ADARB2: variants seen among roughly 807,000 people sequenced by gnomAD.
The protein encoded by ADARB2 is inactive double-stranded RNA-specific editase B2.
Under a neutral mutation model 62.2 loss-of-function variants are expected in ADARB2, and 25 were observed. That is an observed-to-expected ratio of 0.40 (90% CI 0.29 to 0.56). The LOEUF (loss-of-function observed/expected upper bound fraction) is 0.56, where lower values mean the gene tolerates loss of function less well. ADARB2 is among the 20% of genes least tolerant of loss of function. ADARB2 has a pLI of 0.43. For synonymous variants in ADARB2, 572 were observed against 500.8 expected (o/e 1.14, Z -1.90); for missense variants, 1,071 against 1,077.4 (o/e 0.99, Z 0.08).
At chr10:1,302,448 G>A (rs1352953386) in intron 3 of ADARB2, among the ~76,000 whole-genome samples, 1 of 149,708 alleles carries the variant, frequency 6.7e-6, no homozygotes, top group African/African-American at 2.5e-5. Flanking sequence ...GCGAGCCTGG[G>A]GGAGGGGCGC....
intron 7 of ADARB2, among the ~76,000 whole-genome samples, chr10:1,209,296 TGCCCACACCTACAGCCTC>T (rs1837110763): frequency 6.9e-6 from 1 of 145,236 alleles, no homozygotes; most frequent in Non-Finnish European, 1.5e-5. Flanking sequence ...CCATCACCCA[TGCCCACACCTACAGCCTC>T]GCCCACACCC....
chr10:1,670,568 C>T (rs1588346169), intron 1 of ADARB2, among the ~76,000 whole-genome samples: 1 of 152,232 alleles, frequency 6.6e-6, no homozygotes, highest in Non-Finnish European at 1.5e-5. Flanking sequence ...CCAGTGGCCC[C>T]GGCCCTGCCA....
At chr10:1,662,519 T>A (rs1427331298) in intron 1 of ADARB2, among the ~76,000 whole-genome samples, 1 of 152,236 alleles carries the variant, frequency 6.6e-6, no homozygotes, top group Non-Finnish European at 1.5e-5. Context: ...GACTTCTGAC[T>A]CACGGAACCA....
intron 1 of ADARB2, among the ~76,000 whole-genome samples, chr10:1,648,975 C>T (rs986111038): frequency 2.0e-5 from 3 of 152,212 alleles, no homozygotes; most frequent in Admixed American, 6.5e-5. Context: ...AGGCGGGCTG[C>T]CCCTCCACAG....
chr10:1,303,087 G>A (rs1273954210), intron 3 of ADARB2, among the ~76,000 whole-genome samples: 1 of 152,018 alleles, frequency 6.6e-6, no homozygotes, highest in East Asian at 1.9e-4. Flanking sequence ...TCTGAGCTAC[G>A]GGAGGACATT....
intron 1 of ADARB2, among the ~76,000 whole-genome samples, chr10:1,585,005 A>T (rs1179885574): frequency 6.6e-6 from 1 of 152,168 alleles, no homozygotes; most frequent in East Asian, 1.9e-4. Context: ...ATCACCCTGT[A>T]TGGTGCTGTA....
At chr10:1,350,622 C>T (rs537765229) in intron 3 of ADARB2, among the ~76,000 whole-genome samples, 2 of 152,152 alleles carry the variant, frequency 1.3e-5, no homozygotes, top group South Asian at 2.1e-4. Flanking sequence ...AATCAGTTAG[C>T]GTTTAGGCTC....
chr10:1,293,030 A>G (rs1344945493), intron 3 of ADARB2: 3 of 22,552 alleles, frequency 1.3e-4, no homozygotes, highest in Non-Finnish European at 2.8e-4. Context: ...AGAGAGAGGG[A>G]CACAGGAAGA....
intron 1 of ADARB2, among the ~76,000 whole-genome samples, chr10:1,434,170 A>G (rs745621252): frequency 2.0e-5 from 3 of 152,172 alleles, no homozygotes; most frequent in Non-Finnish European, 4.4e-5. Context: ...ACGAAGATTC[A>G]GGTGAAGCTA....
intron 1 of ADARB2, among the ~76,000 whole-genome samples, chr10:1,732,796 T>G (rs74689849): frequency 0.037 from 5,602 of 152,326 alleles, 148 homozygotes; most frequent in Non-Finnish European, 0.057. Flanking sequence ...ACAATCTTTC[T>G]ATTTCATTAA....
In ADARB2 at chr10:1,646,398, T is replaced by C. The variant is rs552821324; in HGVS notation, c.100+90653A>G. Among the ~76,000 whole-genome samples, 443 of 152,354 alleles carry C rather than the reference T, an allele frequency of 2.9e-3. 4 individuals are homozygous for C. The highest frequency in any genetic ancestry group is 5.6e-3 in the South Asian group (27 of 4,828). On this transcript the variant is annotated intron_variant, in intron 1 of 9. Coordinates refer to ENST00000381312, the MANE Select transcript of ADARB2 (RefSeq NM_018702.4). ...TCTCTCTGCATGTTCTTGGCATCCT[T>C]TGAATCCACAAACAATGAACAGTGG... is the stretch of plus-strand genomic sequence containing the variant.
chr10:1,617,729 G>A (rs1343523733), intron 1 of ADARB2, among the ~76,000 whole-genome samples: 1 of 140,716 alleles, frequency 7.1e-6, no homozygotes, highest in South Asian at 2.4e-4. Context: ...TCAGAGGGTT[G>A]CATTCTGTCG....
intron 3 of ADARB2, among the ~76,000 whole-genome samples, chr10:1,337,901 C>A (rs1385134844): frequency 6.6e-6 from 1 of 152,152 alleles, no homozygotes; most frequent in Non-Finnish European, 1.5e-5. Flanking sequence ...TTGGCCCAGC[C>A]CAGCCTTCTT....
At chr10:1,562,357 C>G (rs2131986884) in intron 1 of ADARB2, among the ~76,000 whole-genome samples, 1 of 152,318 alleles carries the variant, frequency 6.6e-6, no homozygotes, top group Non-Finnish European at 1.5e-5. Context: ...AGTCGCAGGA[C>G]AAAGAGGTTA....
chr10:1,663,670 A>G (rs1834278909), intron 1 of ADARB2, among the ~76,000 whole-genome samples: 1 of 151,514 alleles, frequency 6.6e-6, no homozygotes, highest in Admixed American at 6.6e-5. Context: ...CCCAGGCTAG[A>G]GTGCAGTGAC....
chr10:1,557,433 C>T (rs536439377), intron 1 of ADARB2, among the ~76,000 whole-genome samples: 5 of 152,230 alleles, frequency 3.3e-5, no homozygotes, highest in African/African-American at 7.2e-5. Context: ...GCCTAAAATT[C>T]GCAGCCACGG....
chr10:1,375,735 G>A (rs1298733806), intron 2 of ADARB2, among the ~76,000 whole-genome samples: 1 of 152,156 alleles, frequency 6.6e-6, no homozygotes, highest in Non-Finnish European at 1.5e-5. Context: ...GCACACATGT[G>A]CACAGATTCA....
intron 1 of ADARB2, among the ~76,000 whole-genome samples, chr10:1,549,015 G>T (rs569044758): frequency 6.6e-6 from 1 of 152,192 alleles, no homozygotes; most frequent in African/African-American, 2.4e-5. Flanking sequence ...AGCATGTTGA[G>T]TTGCCAACTA....
chr10:1,198,291 C>T (rs1203597042), intron 8 of ADARB2, among the ~76,000 whole-genome samples: 1 of 152,202 alleles, frequency 6.6e-6, no homozygotes, highest in Non-Finnish European at 1.5e-5. Flanking sequence ...ACATAATCTT[C>T]ATCTTCTAAG....
Sources: allele counts gnomAD v4.1 joint callset (sites outside exome capture counted in the v4.1 genomes callset), GRCh38; gene constraint gnomAD v4.1.1; transcripts MANE v1.5; gene names NCBI Gene and HGNC (gene_info 2026-07-23, HGNC 2026-07-21).